FRK: variants seen among roughly 807,000 people sequenced by gnomAD.
FRK encodes the protein fyn related Src family tyrosine kinase, also known as tyrosine-protein kinase FRK.
In FRK, 51 loss-of-function variants were observed where a neutral mutation model predicts 56.4. The ratio of observed to expected loss-of-function variants is 0.90; its 90% CI spans 0.72 to 1.14. The LOEUF (loss-of-function observed/expected upper bound fraction) is 1.14, where lower values mean the gene tolerates loss of function less well. FRK is among the 50% of genes most tolerant of loss of function. FRK has a pLI of 0.00. For missense variants in FRK, 570 were observed against 601.4 expected (o/e 0.95, Z 0.55); for synonymous variants, 245 against 217.9 (o/e 1.12, Z -1.10).
At chr6:115,983,787 G>A (rs1774294039) in intron 2 of FRK, among the ~76,000 whole-genome samples, 2 of 152,164 alleles carry the variant, frequency 1.3e-5, no homozygotes, top group South Asian at 4.1e-4. Flanking sequence ...TGTTTTCCAT[G>A]TCTCCAGCCT....
At chr6:116,042,957 C>T (rs1473106585) in intron 1 of FRK, among the ~76,000 whole-genome samples, 1 of 151,376 alleles carries the variant, frequency 6.6e-6, no homozygotes, top group Non-Finnish European at 1.5e-5. Context: ...ATAAGACAGA[C>T]TTTAAACCAA....
chr6:116,026,570 GGAAGGAAA>G (rs72195623), intron 1 of FRK, among the ~76,000 whole-genome samples: 7,090 of 150,514 alleles, frequency 0.047, 211 homozygotes, highest in Middle Eastern at 0.066. Context: ...AAGGAAGGAA[GGAAGGAAA>G]GACACGTGTA....
intron 1 of FRK, among the ~76,000 whole-genome samples, chr6:116,020,558 G>T (rs1393264095): frequency 6.6e-6 from 1 of 152,114 alleles, no homozygotes; most frequent in East Asian, 1.9e-4. Context: ...CCAAAGTGTT[G>T]GGATTACAGA....
At chr6:116,076,006 G>A in the FRK span, among the ~76,000 whole-genome samples, 1 of 152,088 alleles carries the variant, frequency 6.6e-6, no homozygotes, top group Non-Finnish European at 1.5e-5. Context: ...CTTCTTCCTG[G>A]AAATTCCTTC....
upstream of FRK, among the ~76,000 whole-genome samples, chr6:116,061,994 GAAA>G (rs1222582757): frequency 2.7e-5 from 4 of 148,770 alleles, no homozygotes; most frequent in Admixed American, 1.3e-4. Context: ...AGAAAGAAAA[GAAA>G]GAAAGAAGGA....
Position 116,055,856 on chromosome 6 carries a change from C to T in FRK, c.344+4112G>A, listed in dbSNP as rs559269639. ...AAACTTTAGAGATGATTGTAGTGAT[C>T]TAATTTTCTTAATAGAATCTTCATT... On this transcript the variant is annotated intron_variant, in intron 1 of 7. Transcript: ENST00000606080. Among the ~76,000 whole-genome samples, 8 of 152,158 alleles carry T rather than the reference C, an allele frequency of 5.3e-5. No homozygotes were observed. In the South Asian group the frequency reaches 1.7e-3, roughly 31 times the overall value.
chr6:115,946,155 A>C (rs1353471264), intron 5 of FRK, among the ~76,000 whole-genome samples: 2 of 152,136 alleles, frequency 1.3e-5, no homozygotes, highest in Non-Finnish European at 2.9e-5. Flanking sequence ...TGAATACTAC[A>C]TAAATTCCAT....
chr6:116,083,101 G>A, the FRK span, among the ~76,000 whole-genome samples: 6 of 152,164 alleles, frequency 3.9e-5, no homozygotes, highest in Admixed American at 2.0e-4. Context: ...GCCCAAAGGC[G>A]TTTACCAAGG....
At chr6:116,088,153 T>G in the FRK span, among the ~76,000 whole-genome samples, 1 of 152,228 alleles carries the variant, frequency 6.6e-6, no homozygotes, top group East Asian at 1.9e-4. Context: ...TTTTTGGTAT[T>G]GTTACTGGCT....
intron 1 of FRK, among the ~76,000 whole-genome samples, chr6:116,018,864 T>A (rs538518173): frequency 3.8e-4 from 58 of 152,284 alleles, no homozygotes; most frequent in African/African-American, 1.3e-3. Flanking sequence ...GAAAGGATTT[T>A]AAAATCTTAT....
chr6:116,003,431 A>G (rs1775136260), intron 2 of FRK, among the ~76,000 whole-genome samples: 1 of 152,212 alleles, frequency 6.6e-6, no homozygotes, highest in African/African-American at 2.4e-5. Flanking sequence ...AATTTTACAT[A>G]TTATGGGGTT....
At chr6:116,025,231 C>A (rs1544155) in intron 1 of FRK, among the ~76,000 whole-genome samples, 55,605 of 151,940 alleles carry the variant, frequency 0.37, 10,634 homozygotes, top group Middle Eastern at 0.49. Context: ...GTAGACATAG[C>A]CACACATTGC....
chr6:115,957,414 T>A (rs563880), intron 4 of FRK, among the ~76,000 whole-genome samples: 40,910 of 152,170 alleles, frequency 0.27, 5,825 homozygotes, highest in African/African-American at 0.35. Flanking sequence ...TCAGTAATTT[T>A]AAAATCTTTT....
rs540771592 is a variant in FRK at position 115,959,629 on chromosome 6, G to A, written c.800-3019C>T. ...ATGCTGAAACTGAATTCCTGCACTA[G>A]TAAATTTGCACTTCAGTGGACACAT... is the stretch of plus-strand genomic sequence containing the variant. On this transcript the variant is annotated intron_variant, in intron 4 of 7. Coordinates refer to ENST00000606080, the MANE Select transcript of FRK (RefSeq NM_002031.3). Among the ~76,000 whole-genome samples, 3 of 152,292 alleles carry A rather than the reference G, an allele frequency of 2.0e-5. No individual in the cohort carries two copies. The South Asian group carries it at 6.2e-4, about 32-fold the overall frequency.
intron 1 of FRK, among the ~76,000 whole-genome samples, chr6:116,015,172 G>T (rs1775605354): frequency 2.0e-5 from 3 of 152,142 alleles, no homozygotes; most frequent in African/African-American, 7.2e-5. Flanking sequence ...ATCCCCATGT[G>T]TTGGGGAAGG....
At chr6:115,942,980 A>G (rs765434724) in intron 7 of FRK, 40 bp downstream of exon 7, 7 of 1,583,920 alleles carry the variant, frequency 4.4e-6, no homozygotes, top group South Asian at 1.2e-5. Flanking sequence ...TAAGTAAGTG[A>G]CATGCAGCAG....
Position 115,942,259 on chromosome 6 carries a change from C to T in FRK, c.*155G>A. 1 of 641,560 alleles carries T rather than the reference C, an allele frequency of 1.6e-6. No individual in the cohort carries two copies. The allele number at this position is 641,560 out of a possible 1,614,324, so 39.7% of individuals were successfully genotyped here. The stretch of plus-strand genomic sequence containing the variant: ...AGTGTTGCCCAGTCAATAAAATGCA[C>T]AAATAATCTTTTTCATAATACATGG... On this transcript the variant is annotated 3_prime_UTR_variant, in exon 8 of 8. Transcript: ENST00000606080.
At chr6:116,031,392 C>T (rs1776299425) in intron 1 of FRK, among the ~76,000 whole-genome samples, 1 of 152,054 alleles carries the variant, frequency 6.6e-6, no homozygotes, top group Non-Finnish European at 1.5e-5. Context: ...GTCATTATAA[C>T]ATAACATATT....
chr6:116,042,212 G>A (rs1776748392), intron 1 of FRK, among the ~76,000 whole-genome samples: 1 of 152,076 alleles, frequency 6.6e-6, no homozygotes, highest in Non-Finnish European at 1.5e-5. Flanking sequence ...CTCCTCTCTG[G>A]GCAGGGCATC....
Sources: allele counts gnomAD v4.1 joint callset (sites outside exome capture counted in the v4.1 genomes callset), GRCh38; gene constraint gnomAD v4.1.1; transcripts MANE v1.5; gene names NCBI Gene and HGNC (gene_info 2026-07-23, HGNC 2026-07-21).